GALNT18: variants seen among roughly 807,000 people sequenced by gnomAD.
GALNT18 encodes polypeptide N-acetylgalactosaminyltransferase 18.
Under a neutral mutation model 69.5 loss-of-function variants are expected in GALNT18, and 44 were observed. That is an observed-to-expected ratio of 0.63 (90% confidence interval 0.50 to 0.81). The LOEUF (loss-of-function observed/expected upper bound fraction) is 0.81. Among genes scored for constraint, GALNT18 ranks in the 40% least tolerant of loss-of-function variants. The pLI, the probability that GALNT18 is intolerant of heterozygous loss-of-function variation, is 0.00. For synonymous variants in GALNT18, 364 were observed against 318.2 expected (o/e 1.14, Z -1.53); for missense variants, 715 against 810.0 (o/e 0.88, Z 1.42).
intron 2 of GALNT18, among the ~76,000 whole-genome samples, chr11:11,433,917 G>A (rs1855336577): frequency 6.6e-6 from 1 of 152,166 alleles, no homozygotes; most frequent in Non-Finnish European, 1.5e-5. Flanking sequence ...GTTAGGGCTG[G>A]TGACCATGTT....
intron 9 of GALNT18, among the ~76,000 whole-genome samples, chr11:11,325,978 A>T (rs1318479344): frequency 2.6e-5 from 4 of 151,666 alleles, no homozygotes; most frequent in Admixed American, 2.6e-4. Flanking sequence ...GGTAGGCAAT[A>T]GCTCTTTTAA....
At chr11:11,526,084 G>A (rs1321412224) in intron 1 of GALNT18, among the ~76,000 whole-genome samples, 1 of 152,152 alleles carries the variant, frequency 6.6e-6, no homozygotes, top group African/African-American at 2.4e-5. Flanking sequence ...CTGTAAGTAT[G>A]CTAGGCGTTC....
rs549846943 is a variant in GALNT18 at position 11,546,162 on chromosome 11, G to A, written c.235+75197C>T. On this transcript the variant is annotated intron_variant, in intron 1 of 10. Coordinates refer to ENST00000227756, the MANE Select transcript of GALNT18 (RefSeq NM_198516.3). The surrounding 1 kb of genome is among the most constrained non-coding windows in gnomAD (Gnocchi z 5.8). ...CCCTGAGAAGGCTTACAAGCCCAAA[G>A]TGAGCCAGTTGTTTGAGCTACCCTT... Among the ~76,000 whole-genome samples the A allele has an allele frequency of 6.6e-6, 1 of 152,142 alleles. No homozygotes were observed. The highest frequency in any genetic ancestry group is 1.5e-5 in the Non-Finnish European group (1 of 68,026).
chr11:11,460,495 G>T (rs1036637703), intron 1 of GALNT18, among the ~76,000 whole-genome samples: 1 of 152,204 alleles, frequency 6.6e-6, no homozygotes, highest in African/African-American at 2.4e-5. Context: ...CTCCAAAGGT[G>T]CAGCGCACCT....
rs1853950076 is a variant in GALNT18 at position 11,382,742 on chromosome 11, C to T, written c.596-3478G>A. On this transcript the variant is annotated intron_variant, in intron 3 of 10. Coordinates refer to ENST00000227756, the MANE Select transcript of GALNT18 (RefSeq NM_198516.3). The surrounding 1 kb of genome is among the most constrained non-coding windows in gnomAD (Gnocchi z 4.3). ...AGCTGATTGACTTTTACCTTTTATT[C>T]CCTATGCAAGCTATCTTTAATTAAT... is the stretch of plus-strand genomic sequence containing the variant. Among the ~76,000 whole-genome samples the T allele has an allele frequency of 6.6e-6, 1 of 151,886 alleles. No individual in the cohort carries two copies. Among genetic ancestry groups the T allele is most frequent in the South Asian group, 2.1e-4 (1 of 4,786 alleles).
intron 3 of GALNT18, among the ~76,000 whole-genome samples, chr11:11,427,545 G>T (rs1376356494): frequency 6.6e-6 from 1 of 152,132 alleles, no homozygotes; most frequent in East Asian, 1.9e-4. Context: ...CTTCCATTGT[G>T]TTATCTCATT....
rs1471748064 is a variant in GALNT18 at position 11,586,190 on chromosome 11, T to C, written c.235+35169A>G. Among the ~76,000 whole-genome samples, 1 of 152,238 alleles carries C rather than the reference T, an allele frequency of 6.6e-6. No individual in the cohort carries two copies. The highest frequency in any genetic ancestry group is 1.5e-5 in the Non-Finnish European group (1 of 68,038). On this transcript the variant is annotated intron_variant, in intron 1 of 10. Coordinates refer to ENST00000227756, the MANE Select transcript of GALNT18 (RefSeq NM_198516.3). This position sits in a 1 kb window ranked among gnomAD's most constrained non-coding sequence, Gnocchi z 4.1. ...TCTAGGGTATTTTATTATAGCAGTC[T>C]GAATGGACTAAAACAAATTGTACCA...
rs753571843 is a variant in GALNT18, at chr11:11,502,846, G to C, written c.236-53910C>G. Among the ~76,000 whole-genome samples the C allele has an allele frequency of 5.3e-5, 8 of 152,272 alleles. No individual in the cohort carries two copies. In the South Asian group the frequency reaches 6.2e-4, roughly 12 times the overall value. The stretch of plus-strand genomic sequence containing the variant: ...ACGGCTGAATTCCTTCCCAGCTCCA[G>C]TCCTTAACGCTCTCCGAATGAAGGG... On this transcript the variant is annotated intron_variant, in intron 1 of 10. Coordinates refer to ENST00000227756, the MANE Select transcript of GALNT18 (RefSeq NM_198516.3).
chr11:11,378,103 T>C (rs547824834), intron 4 of GALNT18, among the ~76,000 whole-genome samples: 1 of 152,242 alleles, frequency 6.6e-6, no homozygotes, highest in East Asian at 1.9e-4. Flanking sequence ...CCAAAGAAAA[T>C]GCTGTTTAAA....
intron 3 of GALNT18, among the ~76,000 whole-genome samples, chr11:11,403,042 G>A (rs1854502801): frequency 1.3e-5 from 2 of 152,224 alleles, no homozygotes; most frequent in Admixed American, 1.3e-4. Context: ...TGACGCTCCA[G>A]CATGATGTGG....
intron 3 of GALNT18, among the ~76,000 whole-genome samples, chr11:11,398,439 C>G (rs1009890240): frequency 2.6e-5 from 4 of 152,192 alleles, no homozygotes; most frequent in African/African-American, 9.7e-5. Context: ...TCCCAACAAG[C>G]TTATAGGAAA....
intron 9 of GALNT18, among the ~76,000 whole-genome samples, chr11:11,293,927 C>CAT (rs35082682): frequency 0.036 from 5,491 of 152,040 alleles, 266 homozygotes; most frequent in African/African-American, 0.11. Flanking sequence ...AGATGTATAA[C>CAT]AATTTCCATG....
intron 3 of GALNT18, among the ~76,000 whole-genome samples, chr11:11,431,875 G>A (rs1367091583): frequency 6.6e-6 from 1 of 152,182 alleles, no homozygotes; most frequent in African/African-American, 2.4e-5. Flanking sequence ...GTCCTATCAA[G>A]AACACTGGTT....
chr11:11,490,234 A>ACACAC (rs1856738130), intron 1 of GALNT18, among the ~76,000 whole-genome samples: 34 of 125,088 alleles, frequency 2.7e-4, no homozygotes, highest in Non-Finnish European at 3.4e-4. Context: ...CTCTCTCTCT[A>ACACAC]ACACACACAC....
At chr11:11,384,433 G>A (rs1213061700) in intron 3 of GALNT18, among the ~76,000 whole-genome samples, 1 of 152,102 alleles carries the variant, frequency 6.6e-6, no homozygotes, top group Non-Finnish European at 1.5e-5. Flanking sequence ...GCAGCAGGGA[G>A]AAGGGCAAGG....
rs763670841 is a variant in GALNT18, at chr11:11,543,686, T to C, written c.235+77673A>G. On this transcript the variant is annotated intron_variant, in intron 1 of 10. Coordinates refer to ENST00000227756, the MANE Select transcript of GALNT18 (RefSeq NM_198516.3). The surrounding 1 kb of genome is among the most constrained non-coding windows in gnomAD (Gnocchi z 5.1). Reference sequence around the variant, plus strand: ...ACCCACTGACCTGATGCGAATCCCATCCATCCCTAGGACCTAGGCTTTTAC... The same window carrying C: ...ACCCACTGACCTGATGCGAATCCCACCCATCCCTAGGACCTAGGCTTTTAC... 7.2e-5 allele frequency among the ~76,000 whole-genome samples: 11 copies of C among 152,182 alleles called. No individual in the cohort carries two copies. Among genetic ancestry groups the C allele is most frequent in the Non-Finnish European group, 1.3e-4 (9 of 68,034 alleles).
intron 1 of GALNT18, among the ~76,000 whole-genome samples, chr11:11,593,142 T>C (rs1436794874): frequency 6.6e-6 from 1 of 152,206 alleles, no homozygotes; most frequent in Admixed American, 6.5e-5. Flanking sequence ...CTCGATATCC[T>C]GACCTCGTGA....
At chr11:11,353,994 T>C (rs1850474587) in intron 6 of GALNT18, among the ~76,000 whole-genome samples, 1 of 152,204 alleles carries the variant, frequency 6.6e-6, no homozygotes, top group African/African-American at 2.4e-5. Flanking sequence ...TATCAAATGA[T>C]ACAAATGAGG....
At chr11:11,323,723 T>C (rs974426680) in intron 9 of GALNT18, among the ~76,000 whole-genome samples, 2 of 152,334 alleles carry the variant, frequency 1.3e-5, no homozygotes, top group African/African-American at 4.8e-5. Flanking sequence ...CCAAGTCCAA[T>C]AGCATTCTTT....
Sources: allele counts gnomAD v4.1 joint callset (sites outside exome capture counted in the v4.1 genomes callset), GRCh38; gene constraint gnomAD v4.1.1; non-coding constraint Gnocchi (gnomAD v3.1); transcripts MANE v1.5; gene names NCBI Gene and HGNC (gene_info 2026-07-23, HGNC 2026-07-21).